The following SVIL variants were observed in gnomAD, a reference collection of about 807,000 sequenced individuals.
SVIL encodes supervillin.
Under a neutral mutation model 240.4 loss-of-function variants are expected in SVIL, and 101 were observed. The observed-to-expected ratio is 0.42, with a 90% CI of 0.36 to 0.50. The LOEUF (loss-of-function observed/expected upper bound fraction) is 0.50. Ranked by LOEUF, SVIL falls within the 20% of genes least tolerant of loss-of-function variation. The pLI is 0.01. For missense variants in SVIL, 2,512 were observed against 2,818.7 expected, an observed-to-expected ratio of 0.89 and a Z score of 2.46; for synonymous variants, 999 against 1,100.0, an observed-to-expected ratio of 0.91 and a Z score of 1.82.
chr10:29,730,770 T>G (rs1230334245), intron 1 of SVIL, among the ~76,000 whole-genome samples: 1 of 152,160 alleles, frequency 6.6e-6, no homozygotes, highest in Non-Finnish European at 1.5e-5. Flanking sequence ...TCAGAGGGTT[T>G]TATACATGCC....
chr10:29,621,344 G>A (rs1208852444), intron 1 of SVIL, among the ~76,000 whole-genome samples: 1 of 152,240 alleles, frequency 6.6e-6, no homozygotes, highest in Non-Finnish European at 1.5e-5. Flanking sequence ...CCCAACCAAA[G>A]CAGCAAGTTC....
At chr10:29,493,507 G>A (rs1948156406) in intron 20 of SVIL, 116 bp from the exon 21 acceptor site, 8 of 1,154,380 alleles carry the variant, frequency 6.9e-6, no homozygotes, top group Admixed American at 6.8e-5. Flanking sequence ...GAAGAAACAC[G>A]GTTGTGATAT....
In SVIL at chr10:29,527,043, C is replaced by T. The variant is rs745305620; in HGVS notation, c.2260G>A (p.Ala754Thr). 4.8e-5 allele frequency: 78 copies of T among 1,613,452 alleles called. No individual in the cohort carries two copies. The highest frequency in any genetic ancestry group is 8.0e-5 in the African/African-American group (6 of 74,840). Reference protein sequence around the residue: ...VVIAATEPIPASCSGGTHPVM... With the variant: ...VVIAATEPIPTSCSGGTHPVM... ...GGGTGGGTGCCCCCAGAACACGAAG[C>T]GGGGATAGGTTCACTTTAAAAGCAA... The change falls in exon 13 of 38, where the codon GCT becomes ACT. Residue 754 changes from alanine to threonine, a missense_variant. By Grantham distance (58) the Ala-to-Thr change is moderately conservative. Transcript: ENST00000355867.
chr10:29,640,457 C>A (rs1958448524), intron 3 of SVIL, among the ~76,000 whole-genome samples: 1 of 152,198 alleles, frequency 6.6e-6, no homozygotes, highest in Admixed American at 6.5e-5. Context: ...TATCATCCTA[C>A]CTTCTCCCAG....
At chr10:29,459,264 C>T (rs1381826582) in intron 36 of SVIL, among the ~76,000 whole-genome samples, 1 of 152,184 alleles carries the variant, frequency 6.6e-6, no homozygotes, top group Admixed American at 6.5e-5. Context: ...GCATGTGCCA[C>T]CACGCGCACC....
chr10:29,633,182 A>G (rs1222503704), intron 1 of SVIL, among the ~76,000 whole-genome samples: 1 of 146,640 alleles, frequency 6.8e-6, no homozygotes, highest in Non-Finnish European at 1.5e-5. Flanking sequence ...GGTTGCAGTG[A>G]GCCGAGATCG....
chr10:29,497,021 G>T (rs1948497143), intron 18 of SVIL, among the ~76,000 whole-genome samples: 1 of 152,214 alleles, frequency 6.6e-6, no homozygotes, highest in African/African-American at 2.4e-5. Context: ...TGAGTATCCA[G>T]TTCTGTGATC....
Position 29,599,659 on chromosome 10 carries a change from C to A in SVIL, c.-200-30347G>T, listed in dbSNP as rs533080589. On this transcript the variant is annotated intron_variant, in intron 1 of 37. Transcript: ENST00000355867. ...CTCGAACTCCTGACCTCAGATGATC[C>A]GCCCACCTTGGCCTCCCCAAGTGCT... is the stretch of plus-strand genomic sequence containing the variant. 1.1e-3 allele frequency among the ~76,000 whole-genome samples: 168 copies of A among 152,244 alleles called. 2 individuals are homozygous for A. The South Asian group carries it at 0.034, about 31-fold the overall frequency.
chr10:29,513,063 T>A (rs1949964072), intron 16 of SVIL, among the ~76,000 whole-genome samples: 1 of 152,240 alleles, frequency 6.6e-6, no homozygotes, highest in Admixed American at 6.5e-5. Flanking sequence ...CCGAAGATTT[T>A]ACAGTTGATT....
At chr10:29,608,515 A>C (rs1409412564) in intron 1 of SVIL, among the ~76,000 whole-genome samples, 3 of 152,240 alleles carry the variant, frequency 2.0e-5, no homozygotes, top group Admixed American at 2.0e-4. Context: ...GGACCTGGGC[A>C]TCCCTGCACT....
chr10:29,458,387 G>A lies in SVIL; in HGVS notation c.6558+47C>T, dbSNP rs184728167. On this transcript the variant is annotated intron_variant, in intron 37 of 37. Transcript: ENST00000355867. ...GCTCAGTGAAAGGAGCCGGGCGTGC[G>A]TGTGTTGTTTTACTCCCATCCCCAC... The A allele has an allele frequency of 3.4e-3, 5,454 of 1,594,412 alleles. 169 individuals carry two copies. The African/African-American group carries it at 0.064, about 19-fold the overall frequency.
At chr10:29,519,114 A>G (rs1025676722) in intron 16 of SVIL, among the ~76,000 whole-genome samples, 23 of 120,520 alleles carry the variant, frequency 1.9e-4, no homozygotes, top group Middle Eastern at 4.0e-3. Flanking sequence ...TGGATGTGTA[A>G]TTTGAAATAT....
intron 1 of SVIL, among the ~76,000 whole-genome samples, chr10:29,623,520 T>C (rs1284410979): frequency 6.6e-6 from 1 of 152,352 alleles, no homozygotes; most frequent in African/African-American, 2.4e-5. Context: ...TCTGGAGCCA[T>C]CCAGGCACGT....
At chr10:29,625,709 G>T (rs17544319) in intron 1 of SVIL, among the ~76,000 whole-genome samples, 1 of 152,104 alleles carries the variant, frequency 6.6e-6, no homozygotes, top group Non-Finnish European at 1.5e-5. Flanking sequence ...TGATCCACCC[G>T]CCTTGGCCTC....
At chr10:29,668,795 C>G (rs959407836) in intron 2 of SVIL, among the ~76,000 whole-genome samples, 3 of 152,086 alleles carry the variant, frequency 2.0e-5, no homozygotes, top group African/African-American at 7.2e-5. Context: ...AAATCTTGAC[C>G]GTCAAATGGC....
chr10:29,547,961 G>A (rs144156736), intron 6 of SVIL, among the ~76,000 whole-genome samples: 5 of 152,248 alleles, frequency 3.3e-5, no homozygotes, highest in East Asian at 3.9e-4. Context: ...TGGTTTCTAC[G>A]ATGAAATGCA....
chr10:29,713,431 A>G (rs1963425183), intron 1 of SVIL, among the ~76,000 whole-genome samples: 1 of 152,224 alleles, frequency 6.6e-6, no homozygotes, highest in South Asian at 2.1e-4. Flanking sequence ...CTTCTGGAAC[A>G]AAGCTATTGC....
intron 6 of SVIL, among the ~76,000 whole-genome samples, chr10:29,544,555 G>A (rs1039125299): frequency 2.0e-5 from 3 of 152,020 alleles, no homozygotes; most frequent in Non-Finnish European, 2.9e-5. Flanking sequence ...AGGAGTTCCA[G>A]ACCAGCCTGG....
At chr10:29,538,200 C>T (rs1419687462) in intron 6 of SVIL, among the ~76,000 whole-genome samples, 2 of 152,170 alleles carry the variant, frequency 1.3e-5, no homozygotes, top group East Asian at 1.9e-4. Context: ...TACAACTTTT[C>T]GAACATGACC....
Sources: gnomAD v4.1 joint callset for allele counts (sites outside exome capture counted in the v4.1 genomes callset) on GRCh38, gnomAD v4.1.1 for gene constraint, MANE v1.5 for transcripts, NCBI Gene and HGNC (gene_info 2026-07-23, HGNC 2026-07-21) for gene names.